The following KIF16B variants were observed in gnomAD, a reference collection of about 807,000 sequenced individuals.
KIF16B encodes the protein kinesin-like protein KIF16B.
A neutral mutation model predicts 156.3 loss-of-function variants in KIF16B; 98 were observed. The observed-to-expected ratio is 0.63, with a 90% CI of 0.53 to 0.74. The LOEUF (loss-of-function observed/expected upper bound fraction) is 0.74, where lower values mean the gene tolerates loss of function less well. Among genes scored for constraint, KIF16B ranks in the 30% least tolerant of loss-of-function variants. The pLI is 0.00. For synonymous variants in KIF16B, 564 were observed against 583.7 expected, an observed-to-expected ratio of 0.97 and a Z score of 0.49; for missense variants, 1,421 against 1,606.5, an observed-to-expected ratio of 0.88 and a Z score of 1.97.
chr20:16,411,134 G>C (rs2065943456), intron 15 of KIF16B, among the ~76,000 whole-genome samples: 1 of 152,050 alleles, frequency 6.6e-6, no homozygotes, highest in Non-Finnish European at 1.5e-5. Flanking sequence ...TCTGCAACCA[G>C]CCTGCTGAAT....
rs200877365 is a variant in KIF16B, at chr20:16,410,292, C to CAT, written c.1613-3838_1613-3837dup. 1.2e-3 allele frequency among the ~76,000 whole-genome samples: 167 copies of CAT among 138,176 alleles called. 1 individual carries two copies. Among genetic ancestry groups the CAT allele is most frequent in the African/African-American group, 4.4e-3 (156 of 35,438 alleles). The allele number at this position is 138,176 out of a possible 152,430, so 90.6% of individuals were successfully genotyped here. On this transcript the variant is annotated intron_variant, in intron 15 of 25. Coordinates refer to ENST00000354981, the MANE Select transcript of KIF16B (RefSeq NM_024704.5). ...ATATATATATGTAGGTACGTACCTA[C>CAT]ATATATATGTGTGTGTGTGTGTGTG...
chr20:16,451,856 G>A (rs2146607508), intron 12 of KIF16B, among the ~76,000 whole-genome samples: 1 of 152,152 alleles, frequency 6.6e-6, no homozygotes, highest in East Asian at 1.9e-4. Context: ...TATTTTAAAA[G>A]GAATATGTAG....
chr20:16,353,551 C>T (rs2064380099), intron 23 of KIF16B, among the ~76,000 whole-genome samples: 1 of 152,114 alleles, frequency 6.6e-6, no homozygotes, highest in Non-Finnish European at 1.5e-5. Context: ...CACATACAAA[C>T]TCATCCACTC....
chr20:16,296,556 T>A (rs935929635), intron 25 of KIF16B, among the ~76,000 whole-genome samples: 1 of 152,208 alleles, frequency 6.6e-6, no homozygotes, highest in Admixed American at 6.5e-5. Flanking sequence ...AGTTGGAGAA[T>A]CCCTGTTATG....
intron 24 of KIF16B, among the ~76,000 whole-genome samples, chr20:16,315,026 T>C (rs1176282752): frequency 6.6e-6 from 1 of 152,142 alleles, no homozygotes; most frequent in Admixed American, 6.5e-5. Flanking sequence ...CATTTTCTTA[T>C]GTGGCTGATG....
intron 12 of KIF16B, among the ~76,000 whole-genome samples, chr20:16,467,190 G>A (rs1479256049): frequency 2.6e-5 from 4 of 152,170 alleles, no homozygotes; most frequent in African/African-American, 9.7e-5. Context: ...ACACTAGGGT[G>A]ATGGCCAGGG....
intron 12 of KIF16B, among the ~76,000 whole-genome samples, chr20:16,450,154 G>C (rs1600428192): frequency 6.6e-6 from 1 of 152,022 alleles, no homozygotes; most frequent in Admixed American, 6.6e-5. Context: ...ATGAGCATTT[G>C]GTCAAAAATC....
chr20:16,342,258 G>C (rs1310502542), intron 23 of KIF16B, among the ~76,000 whole-genome samples: 1 of 141,424 alleles, frequency 7.1e-6, no homozygotes, highest in African/African-American at 2.5e-5. Flanking sequence ...CTCTACTTAG[G>C]AGATTTTAAG....
chr20:16,316,155 A>C (rs1476883083), intron 24 of KIF16B, among the ~76,000 whole-genome samples: 1 of 152,234 alleles, frequency 6.6e-6, no homozygotes, highest in African/African-American at 2.4e-5. Flanking sequence ...GTTGAGTATC[A>C]GCAATTTCAT....
intron 23 of KIF16B, among the ~76,000 whole-genome samples, chr20:16,351,430 G>A (rs184872026): frequency 1.3e-4 from 20 of 152,316 alleles, no homozygotes; most frequent in East Asian, 5.8e-4. Context: ...ATAATGCAGC[G>A]TAACTGATGC....
At chr20:16,407,824 T>C (rs967328730) in intron 15 of KIF16B, among the ~76,000 whole-genome samples, 1 of 152,124 alleles carries the variant, frequency 6.6e-6, no homozygotes, top group African/African-American at 2.4e-5. Flanking sequence ...CTGTCATGTT[T>C]CAAAAACAAA....
chr20:16,307,649 G>C (rs1427462904), intron 25 of KIF16B, among the ~76,000 whole-genome samples: 1 of 152,122 alleles, frequency 6.6e-6, no homozygotes, highest in Non-Finnish European at 1.5e-5. Flanking sequence ...TATGTCTGTT[G>C]AATCTACATA....
chr20:16,512,048 G>A (rs2068971337), intron 5 of KIF16B, among the ~76,000 whole-genome samples: 1 of 152,064 alleles, frequency 6.6e-6, no homozygotes, highest in Non-Finnish European at 1.5e-5. Context: ...TCAGGAGGCT[G>A]ATGCAGGAGA....
At chr20:16,497,784 G>A (rs2068496456) in intron 10 of KIF16B, 106 bp from the exon 11 acceptor site, 2 of 868,012 alleles carry the variant, frequency 2.3e-6, no homozygotes, top group East Asian at 2.5e-5. Flanking sequence ...ACTATTAAAG[G>A]TAAAAAGCAA....
In KIF16B at chr20:16,546,542, C is replaced by A. The variant is rs1026714706; in HGVS notation, c.48-18102G>T. 2.0e-5 allele frequency among the ~76,000 whole-genome samples: 3 copies of A among 152,294 alleles called. No homozygotes were observed. In the South Asian group the frequency reaches 6.2e-4, roughly 32 times the overall value. On this transcript the variant is annotated intron_variant, in intron 1 of 25. Transcript: ENST00000354981. The stretch of plus-strand genomic sequence containing the variant: ...GTGTGGAGATTCACTTTAACATAAC[C>A]TTTCTGACCCTTTCCCAAAATAGGT...
At chr20:16,526,254 AT>A in intron 2 of KIF16B, 49 bp from the exon 3 acceptor site, 1 of 1,025,554 alleles carries the variant, frequency 9.8e-7, no homozygotes. Context: ...GAGCACTGCC[AT>A]TTGACCCAAA....
At chr20:16,425,717 C>T (rs539337565) in intron 15 of KIF16B, among the ~76,000 whole-genome samples, 6 of 152,084 alleles carry the variant, frequency 3.9e-5, no homozygotes, top group South Asian at 2.1e-4. Flanking sequence ...AAATGGAAAT[C>T]GTGTAATGAG....
In KIF16B at chr20:16,469,160, G is replaced by A. The variant is rs531924973; in HGVS notation, c.1302+25131C>T. Reference sequence around the variant, plus strand: ...CCAGCTACTTGGGAAGCTGAGGCAGGAGGACTGCTTGAGCCCAGGAGTTGG... The same window carrying A: ...CCAGCTACTTGGGAAGCTGAGGCAGAAGGACTGCTTGAGCCCAGGAGTTGG... On this transcript the variant is annotated intron_variant, in intron 12 of 25. Transcript: ENST00000354981. Among the ~76,000 whole-genome samples the A allele has an allele frequency of 2.0e-5, 3 of 151,246 alleles. No homozygotes were observed. The South Asian group carries it at 6.3e-4, about 32-fold the overall frequency.
At chr20:16,386,140 G>A (rs544256192) in intron 17 of KIF16B, among the ~76,000 whole-genome samples, 1 of 152,152 alleles carries the variant, frequency 6.6e-6, no homozygotes, top group African/African-American at 2.4e-5. Flanking sequence ...AGCCCCAAGA[G>A]TGGGTGAGGT....
Sources: allele counts gnomAD v4.1 joint callset (sites outside exome capture counted in the v4.1 genomes callset), GRCh38; gene constraint gnomAD v4.1.1; transcripts MANE v1.5; gene names NCBI Gene and HGNC (gene_info 2026-07-23, HGNC 2026-07-21).